CTNNA3: variants seen among roughly 807,000 people sequenced by gnomAD.
CTNNA3 encodes catenin alpha-3.
A neutral mutation model predicts 95.7 loss-of-function variants in CTNNA3; 76 were observed. The ratio of observed to expected loss-of-function variants is 0.79; its 90% confidence interval spans 0.66 to 0.96. The LOEUF (loss-of-function observed/expected upper bound fraction) is 0.96, where lower values mean the gene tolerates loss of function less well. Ranked by LOEUF, CTNNA3 falls within the 40% of genes least tolerant of loss-of-function variation. CTNNA3 has a pLI of 0.00. For missense variants in CTNNA3, 1,191 were observed against 1,089.8 expected (o/e 1.09, Z -1.31); for synonymous variants, 431 against 374.4 (o/e 1.15, Z -1.74).
At chr10:66,466,373 C>CACACACACACACACAA (rs1222364133) in intron 11 of CTNNA3, among the ~76,000 whole-genome samples, 21 of 150,848 alleles carry the variant, frequency 1.4e-4, no homozygotes, top group African/African-American at 5.1e-4. Context: ...CACACACACA[C>CACACACACACACACAA]AATCTATTGG....
chr10:66,851,770 C>T (rs7089274), intron 7 of CTNNA3, among the ~76,000 whole-genome samples: 87,152 of 151,624 alleles, frequency 0.57, 26,092 homozygotes, highest in Non-Finnish European at 0.63. Context: ...CCATGTTTCC[C>T]GTACAGCCTG....
At chr10:67,542,154 C>A (rs1236669152) in intron 3 of CTNNA3, among the ~76,000 whole-genome samples, 5 of 152,054 alleles carry the variant, frequency 3.3e-5, no homozygotes, top group African/African-American at 1.2e-4. Flanking sequence ...AACTTAAATT[C>A]TTATTGCTGG....
intron 7 of CTNNA3, among the ~76,000 whole-genome samples, chr10:67,005,680 A>ATTTTTTTTT (rs1564825972): frequency 2.3e-4 from 6 of 26,368 alleles, no homozygotes; most frequent in East Asian, 2.6e-3. Context: ...ATTTTACTCC[A>ATTTTTTTTT]TCTTTTTTTT....
intron 5 of CTNNA3, among the ~76,000 whole-genome samples, chr10:67,457,550 T>C (rs1418604948): frequency 6.6e-5 from 10 of 152,212 alleles, no homozygotes; most frequent in Non-Finnish European, 1.0e-4. Flanking sequence ...AGTTTTATAT[T>C]GATGTTCTAA....
At chr10:66,496,354 G>A (rs1377264728) in intron 11 of CTNNA3, among the ~76,000 whole-genome samples, 3 of 152,048 alleles carry the variant, frequency 2.0e-5, no homozygotes, top group Non-Finnish European at 4.4e-5. Context: ...ATTTTAAAAC[G>A]ATATATCTAC....
chr10:66,976,294 G>A (rs1201092626), intron 7 of CTNNA3, among the ~76,000 whole-genome samples: 1 of 152,168 alleles, frequency 6.6e-6, no homozygotes, highest in Non-Finnish European at 1.5e-5. Context: ...CGATACCCCT[G>A]TAAAAGGGAT....
intron 6 of CTNNA3, among the ~76,000 whole-genome samples, chr10:67,198,515 G>A (rs948593037): frequency 6.6e-6 from 1 of 152,144 alleles, no homozygotes; most frequent in Non-Finnish European, 1.5e-5. Context: ...GGAAGACAGG[G>A]AAAAGATACT....
intron 10 of CTNNA3, among the ~76,000 whole-genome samples, chr10:66,601,330 A>T (rs538384886): frequency 1.1e-4 from 16 of 152,098 alleles, no homozygotes; most frequent in African/African-American, 3.9e-4. Context: ...GCCCTCCATT[A>T]GGCAAAAAGT....
intron 5 of CTNNA3, among the ~76,000 whole-genome samples, chr10:67,467,980 G>A (rs963196083): frequency 1.4e-4 from 21 of 151,510 alleles, no homozygotes; most frequent in Non-Finnish European, 2.8e-4. Context: ...CAAAGTGCTA[G>A]GATTATAGGC....
intron 10 of CTNNA3, among the ~76,000 whole-genome samples, chr10:66,580,938 A>C (rs549316573): frequency 6.6e-6 from 1 of 151,586 alleles, no homozygotes; most frequent in South Asian, 2.1e-4. Flanking sequence ...CTATTATACC[A>C]CTTGGTATGC....
chr10:66,688,213 T>C (rs1415211593), intron 9 of CTNNA3, among the ~76,000 whole-genome samples: 3 of 152,134 alleles, frequency 2.0e-5, no homozygotes, highest in African/African-American at 4.8e-5. Flanking sequence ...AAAAAGATCA[T>C]GTCCACTGTG....
chr10:67,315,851 G>A (rs1328500557), intron 5 of CTNNA3, among the ~76,000 whole-genome samples: 1 of 152,064 alleles, frequency 6.6e-6, no homozygotes, highest in Non-Finnish European at 1.5e-5. Context: ...ACTAGTGATT[G>A]CACTGCTTTA....
At chr10:66,521,795 G>T (rs1221424118) in intron 10 of CTNNA3, among the ~76,000 whole-genome samples, 1 of 152,106 alleles carries the variant, frequency 6.6e-6, no homozygotes, top group Admixed American at 6.6e-5. Context: ...AGTAGCCATT[G>T]CTTTGATTGT....
intron 10 of CTNNA3, among the ~76,000 whole-genome samples, chr10:66,575,296 G>A (rs995881222): frequency 6.6e-6 from 1 of 151,972 alleles, no homozygotes; most frequent in Non-Finnish European, 1.5e-5. Flanking sequence ...TAAACAACTT[G>A]TGCCAAAGTC....
At chr10:66,518,522 T>G (rs1273418012) in intron 11 of CTNNA3, among the ~76,000 whole-genome samples, 4 of 152,136 alleles carry the variant, frequency 2.6e-5, no homozygotes, top group Non-Finnish European at 5.9e-5. Context: ...TTGTGAAGTC[T>G]ATATGAAGGA....
rs768786837 is a variant in CTNNA3 at position 67,539,471 on chromosome 10, TGCCAAGGTAAACTAA to T, written c.459+17_459+31del. ...AGAATGAAATTAGAAGTGAAGACAA[TGCCAAGGTAAACTAA>T]GCCATCTTTTACTTACAGCTGACAC... On this transcript the variant is annotated intron_variant, in intron 4 of 17. Coordinates refer to ENST00000433211, the MANE Select transcript of CTNNA3 (RefSeq NM_013266.4). 3.2e-5 allele frequency: 51 copies of T among 1,608,174 alleles called. 1 individual carries two copies. In the South Asian group the frequency reaches 4.5e-4, roughly 14 times the overall value.
intron 3 of CTNNA3, among the ~76,000 whole-genome samples, chr10:67,583,531 T>C (rs1842495469): frequency 6.6e-6 from 1 of 152,166 alleles, no homozygotes; most frequent in Non-Finnish European, 1.5e-5. Flanking sequence ...CTGACAATTA[T>C]ATGTCTTGTA....
intron 12 of CTNNA3, among the ~76,000 whole-genome samples, chr10:66,331,852 G>A (rs1450541579): frequency 6.6e-6 from 1 of 151,986 alleles, no homozygotes; most frequent in Non-Finnish European, 1.5e-5. Context: ...GTCATTGGTA[G>A]CTTGATGGGG....
intron 15 of CTNNA3, among the ~76,000 whole-genome samples, chr10:66,014,053 C>A (rs1398624497): frequency 6.6e-6 from 1 of 152,058 alleles, no homozygotes; most frequent in East Asian, 1.9e-4. Flanking sequence ...AAGTCTTCTA[C>A]AGGCCAACAT....
Sources: gnomAD v4.1 joint callset for allele counts (sites outside exome capture counted in the v4.1 genomes callset) on GRCh38, gnomAD v4.1.1 for gene constraint, MANE v1.5 for transcripts, NCBI Gene and HGNC (gene_info 2026-07-23, HGNC 2026-07-21) for gene names.